CHST9: variants seen among roughly 807,000 people sequenced by gnomAD.
CHST9 encodes the protein GalNAc-4-sulfotransferase 2.
CHST9 carries 41 observed loss-of-function variants against 44.4 expected under a neutral mutation model. That is an observed-to-expected ratio of 0.92 (90% CI 0.72 to 1.20). The LOEUF (loss-of-function observed/expected upper bound fraction) is 1.20. CHST9 is among the 50% of genes most tolerant of loss of function. The pLI is 0.00. For missense variants in CHST9, 504 were observed against 516.5 expected, an observed-to-expected ratio of 0.98 and a Z score of 0.23; for synonymous variants, 171 against 178.4, an observed-to-expected ratio of 0.96 and a Z score of 0.33.
intron 4 of CHST9, among the ~76,000 whole-genome samples, chr18:27,016,840 G>A (rs2143432538): frequency 6.6e-6 from 1 of 152,190 alleles, no homozygotes; most frequent in African/African-American, 2.4e-5. Context: ...CTGATTTACA[G>A]TATTGAATCA....
chr18:26,949,455 G>A (rs183243559), intron 4 of CHST9, among the ~76,000 whole-genome samples: 3 of 152,026 alleles, frequency 2.0e-5, no homozygotes, highest in Admixed American at 6.5e-5. Context: ...TGAGGTGGGA[G>A]GATTGCTTGA....
intron 3 of CHST9, among the ~76,000 whole-genome samples, chr18:27,034,634 T>C (rs1598657661): frequency 6.6e-6 from 1 of 152,206 alleles, no homozygotes; most frequent in Non-Finnish European, 1.5e-5. Flanking sequence ...TCTTTCTTCT[T>C]CCTCAACCCA....
At chr18:27,038,855 A>G (rs2057416550) in intron 3 of CHST9, among the ~76,000 whole-genome samples, 1 of 152,150 alleles carries the variant, frequency 6.6e-6, no homozygotes, top group Non-Finnish European at 1.5e-5. Context: ...TCTTATATTG[A>G]TAGCATGCTG....
At chr18:27,142,270 A>C (rs1160176207) in intron 2 of CHST9, among the ~76,000 whole-genome samples, 1 of 152,232 alleles carries the variant, frequency 6.6e-6, no homozygotes, top group African/African-American at 2.4e-5. Context: ...AAAGGTATTA[A>C]ATGATATTTA....
intron 1 of CHST9, among the ~76,000 whole-genome samples, chr18:27,153,526 T>TTC (rs769722858): frequency 0.086 from 11,967 of 138,688 alleles, 427 homozygotes; most frequent in African/African-American, 0.13. Flanking sequence ...CTCTCTGTCT[T>TTC]TCTCTCTCTC....
Position 27,137,332 on chromosome 18 carries a change from G to A in CHST9, c.121+5357C>T, listed in dbSNP as rs1324311469. On this transcript the variant is annotated intron_variant, in intron 2 of 5. Coordinates refer to ENST00000618847, the MANE Select transcript of CHST9 (RefSeq NM_031422.6). ...TGTGTGTGTGTGTGTGTGTGTGTGTGTGTGTGTGTGTGTGTGTGTGTGTAT... is the reference window on the plus strand; with the variant it reads ...TGTGTGTGTGTGTGTGTGTGTGTGTATGTGTGTGTGTGTGTGTGTGTGTAT... Among the ~76,000 whole-genome samples, 132 of 147,092 alleles carry A rather than the reference G, an allele frequency of 9.0e-4. 1 individual carries two copies. The highest frequency in any genetic ancestry group is 1.2e-3 in the Non-Finnish European group (80 of 67,506).
At position 26,916,175 on chromosome 18, in the gene CHST9, C is replaced by T; in HGVS notation, c.*84G>A. 3 of 1,115,194 alleles carry T rather than the reference C, an allele frequency of 2.7e-6. No homozygotes were observed. Among genetic ancestry groups the T allele is most frequent in the Non-Finnish European group, 3.9e-6 (3 of 777,992 alleles). 69.1% of individuals were successfully genotyped at this position (1,115,194 alleles called of 1,614,324 possible). A position where few individuals can be genotyped will look rare whatever the true frequency, so the allele number is the denominator to read the frequency against. ...CAACTGCACTTGGTTAAATTTCTGT[C>T]ATACAGAGAATTATAGAAAAATTAC... On this transcript the variant is annotated 3_prime_UTR_variant, in exon 6 of 6. Transcript: ENST00000618847.
chr18:27,029,894 T>C (rs913791289), intron 3 of CHST9, among the ~76,000 whole-genome samples: 1 of 152,202 alleles, frequency 6.6e-6, no homozygotes. Context: ...ATCTTTGGGT[T>C]TCATATGTTC....
chr18:26,967,432 T>C (rs2056481256), intron 4 of CHST9, among the ~76,000 whole-genome samples: 1 of 152,196 alleles, frequency 6.6e-6, no homozygotes, highest in Non-Finnish European at 1.5e-5. Context: ...TACCTGTATA[T>C]TGTAAACACC....
chr18:27,098,726 C>T (rs1475759178), intron 2 of CHST9, among the ~76,000 whole-genome samples: 1 of 152,140 alleles, frequency 6.6e-6, no homozygotes, highest in Non-Finnish European at 1.5e-5. Context: ...ACTGCCTGTT[C>T]TCACCCATAA....
At chr18:26,983,478 T>C (rs1340189238) in intron 4 of CHST9, among the ~76,000 whole-genome samples, 2 of 152,152 alleles carry the variant, frequency 1.3e-5, no homozygotes, top group Non-Finnish European at 1.5e-5. Context: ...CCATGTGACA[T>C]GCCTGCTCCC....
chr18:27,082,641 T>C (rs1034511590), intron 2 of CHST9, among the ~76,000 whole-genome samples: 1 of 152,218 alleles, frequency 6.6e-6, no homozygotes, highest in African/African-American at 2.4e-5. Flanking sequence ...AGTAAAACTC[T>C]TGGGCAAAAA....
chr18:27,131,207 C>T (rs1015222399), intron 2 of CHST9, among the ~76,000 whole-genome samples: 3 of 152,062 alleles, frequency 2.0e-5, no homozygotes, highest in East Asian at 1.9e-4. Context: ...CGTTCCCCAC[C>T]GACTAAATAG....
chr18:27,031,265 A>G (rs1413607107), intron 3 of CHST9, among the ~76,000 whole-genome samples: 1 of 152,224 alleles, frequency 6.6e-6, no homozygotes, highest in Non-Finnish European at 1.5e-5. Flanking sequence ...CCTCAAGTGC[A>G]GCTGGACTTG....
intron 4 of CHST9, among the ~76,000 whole-genome samples, chr18:26,958,156 G>T (rs992368852): frequency 6.6e-6 from 1 of 151,888 alleles, no homozygotes; most frequent in Non-Finnish European, 1.5e-5. Context: ...AAAGTGCTGG[G>T]ATTACAGGCG....
intron 4 of CHST9, among the ~76,000 whole-genome samples, chr18:26,965,940 A>G (rs972089783): frequency 1.3e-5 from 2 of 152,212 alleles, no homozygotes; most frequent in Non-Finnish European, 2.9e-5. Context: ...CCTGACTACC[A>G]TCCAGTGAGA....
At chr18:27,121,509 C>T (rs1422148925) in intron 2 of CHST9, among the ~76,000 whole-genome samples, 1 of 152,088 alleles carries the variant, frequency 6.6e-6, no homozygotes, top group Non-Finnish European at 1.5e-5. Context: ...GCAGCTGGTA[C>T]ATAGGTTAGC....
chr18:27,014,729 T>C (rs1418746521), intron 4 of CHST9, among the ~76,000 whole-genome samples: 1 of 152,060 alleles, frequency 6.6e-6, no homozygotes, highest in Non-Finnish European at 1.5e-5. Flanking sequence ...ATATTTTCTG[T>C]GTACACATTC....
chr18:27,098,451 G>A (rs944498753), intron 2 of CHST9, among the ~76,000 whole-genome samples: 1 of 152,088 alleles, frequency 6.6e-6, no homozygotes, highest in Non-Finnish European at 1.5e-5. Context: ...CCCATTACTG[G>A]TTATATAACC....
Sources: allele counts gnomAD v4.1 joint callset (sites outside exome capture counted in the v4.1 genomes callset), GRCh38; gene constraint gnomAD v4.1.1; transcripts MANE v1.5; gene names NCBI Gene and HGNC (gene_info 2026-07-23, HGNC 2026-07-21).